The following PIK3C2G variants were observed in gnomAD, a reference collection of about 807,000 sequenced individuals.
PIK3C2G encodes phosphatidylinositol-4-phosphate 3-kinase catalytic subunit type 2 gamma.
Under a neutral mutation model 181.1 loss-of-function variants are expected in PIK3C2G, and 168 were observed. The ratio of observed to expected loss-of-function variants is 0.93; its 90% CI spans 0.82 to 1.05. PIK3C2G has a LOEUF of 1.05. Among genes scored for constraint, PIK3C2G ranks in the 50% least tolerant of loss-of-function variants. The pLI, the probability that PIK3C2G is intolerant of heterozygous loss-of-function variation, is 0.00. For missense variants in PIK3C2G, 1,869 were observed against 1,732.8 expected (o/e 1.08, Z -1.40); for synonymous variants, 573 against 592.2 (o/e 0.97, Z 0.47).
At chr12:18,535,289 C>A (rs1489126646) in intron 24 of PIK3C2G, among the ~76,000 whole-genome samples, 1 of 151,900 alleles carries the variant, frequency 6.6e-6, no homozygotes, top group Non-Finnish European at 1.5e-5. Flanking sequence ...CAGAAGTGAG[C>A]CATGAAAATC....
At chr12:18,656,716 CAG>C in the PIK3C2G span, among the ~76,000 whole-genome samples, 1 of 150,334 alleles carries the variant, frequency 6.7e-6, no homozygotes, top group Non-Finnish European at 1.5e-5. Context: ...GCCTGGGTGA[CAG>C]AGCATGACCC....
At chr12:18,307,652 G>A (rs2137352143) in intron 5 of PIK3C2G, among the ~76,000 whole-genome samples, 1 of 151,810 alleles carries the variant, frequency 6.6e-6, no homozygotes, top group African/African-American at 2.4e-5. Context: ...TCTTGGTATG[G>A]TAACCTTTCT....
the PIK3C2G span, among the ~76,000 whole-genome samples, chr12:18,680,345 C>T: frequency 6.6e-6 from 1 of 151,998 alleles, no homozygotes; most frequent in Non-Finnish European, 1.5e-5. Flanking sequence ...GTATAAGGGA[C>T]ATGTTTTACA....
chr12:18,653,985 G>C, the PIK3C2G span, among the ~76,000 whole-genome samples: 2 of 151,986 alleles, frequency 1.3e-5, no homozygotes, highest in African/African-American at 4.8e-5. Flanking sequence ...GAAATAACTT[G>C]AGTAGCTTAA....
intron 21 of PIK3C2G, 63 bp downstream of exon 21, chr12:18,496,217 C>A: frequency 2.1e-6 from 2 of 968,658 alleles, no homozygotes; most frequent in Non-Finnish European, 3.0e-6. Context: ...TTATTACTCA[C>A]AAAAAGAAAT....
chr12:18,439,608 T>C (rs1212661840), intron 18 of PIK3C2G, among the ~76,000 whole-genome samples: 1 of 152,038 alleles, frequency 6.6e-6, no homozygotes. Context: ...TAATTTCTTT[T>C]AGCACTCCGT....
intron 15 of PIK3C2G, among the ~76,000 whole-genome samples, chr12:18,392,938 G>C (rs1352110892): frequency 6.6e-6 from 1 of 151,974 alleles, no homozygotes; most frequent in East Asian, 1.9e-4. Flanking sequence ...ACAATCCATT[G>C]TCATACTAGA....
At chr12:18,659,337 C>T in the PIK3C2G span, among the ~76,000 whole-genome samples, 1 of 152,058 alleles carries the variant, frequency 6.6e-6, no homozygotes, top group South Asian at 2.1e-4. Context: ...AAATAAGCTG[C>T]CCACAGCCAT....
At chr12:18,430,941 G>T (rs1421729795) in intron 18 of PIK3C2G, among the ~76,000 whole-genome samples, 1 of 151,872 alleles carries the variant, frequency 6.6e-6, no homozygotes, top group East Asian at 1.9e-4. Flanking sequence ...CCAAAAATCT[G>T]TCCATTTTTT....
chr12:18,399,893 T>C, intron 16 of PIK3C2G, 46 bp downstream of exon 16: 1 of 1,280,020 alleles, frequency 7.8e-7, no homozygotes, highest in East Asian at 2.4e-5. Context: ...GAGAAGAACT[T>C]GCTTGAAGAG....
intron 25 of PIK3C2G, among the ~76,000 whole-genome samples, chr12:18,543,918 T>G (rs2136262988): frequency 6.6e-6 from 1 of 151,984 alleles, no homozygotes; most frequent in Non-Finnish European, 1.5e-5. Context: ...CCAGTTCCTG[T>G]TCTCAAAGAA....
intron 18 of PIK3C2G, among the ~76,000 whole-genome samples, chr12:18,433,403 C>T (rs1946273168): frequency 1.3e-5 from 2 of 151,976 alleles, no homozygotes; most frequent in South Asian, 4.2e-4. Context: ...ATCCTAGCTA[C>T]TTGGGAGGCT....
intron 1 of PIK3C2G, among the ~76,000 whole-genome samples, chr12:18,276,255 A>G (rs1427606521): frequency 6.6e-6 from 1 of 152,128 alleles, no homozygotes; most frequent in Non-Finnish European, 1.5e-5. Flanking sequence ...TTCACTCTCC[A>G]TGTCTTTCCC....
At chr12:18,358,691 T>C in intron 11 of PIK3C2G, 1 of 485,572 alleles carries the variant, frequency 2.1e-6, no homozygotes, top group Middle Eastern at 4.9e-4. Flanking sequence ...TCCTCATCTC[T>C]TCCAGGAACC....
chr12:18,645,759 G>A (rs1009508889), intron 32 of PIK3C2G, among the ~76,000 whole-genome samples: 4 of 152,072 alleles, frequency 2.6e-5, no homozygotes, highest in African/African-American at 9.7e-5. Context: ...TTATACAAAT[G>A]AGAAAACACA....
chr12:18,616,210 T>G (rs572350509), intron 31 of PIK3C2G, among the ~76,000 whole-genome samples: 1 of 152,250 alleles, frequency 6.6e-6, no homozygotes, highest in Non-Finnish European at 1.5e-5. Flanking sequence ...CTCTTAAAAC[T>G]TGGATTATCT....
chr12:18,309,153 T>C (rs1226795622), intron 5 of PIK3C2G, among the ~76,000 whole-genome samples: 1 of 151,738 alleles, frequency 6.6e-6, no homozygotes, highest in Non-Finnish European at 1.5e-5. Flanking sequence ...ATCAATACTT[T>C]TCACACTAGG....
At chr12:18,441,442 T>C (rs938957414) in intron 18 of PIK3C2G, among the ~76,000 whole-genome samples, 16 of 151,986 alleles carry the variant, frequency 1.1e-4, no homozygotes, top group African/African-American at 3.9e-4. Flanking sequence ...AATATACTGG[T>C]GGGAAAAATC....
At chr12:18,651,337 G>T (rs1657548541), downstream of PIK3C2G, among the ~76,000 whole-genome samples, 1 of 152,086 alleles carries the variant, frequency 6.6e-6, no homozygotes, top group South Asian at 2.1e-4. Context: ...GTGAGATGTT[G>T]CAAGCTGCCC....
Sources: allele counts gnomAD v4.1 joint callset (sites outside exome capture counted in the v4.1 genomes callset), GRCh38; gene constraint gnomAD v4.1.1; transcripts MANE v1.5; gene names NCBI Gene and HGNC (gene_info 2026-07-23, HGNC 2026-07-21).